Variants in ATAD2B observed in about 807,000 individuals in gnomAD.
ATAD2B encodes the protein ATPase family AAA domain containing 2B, also known as ATPase family AAA domain-containing protein 2B.
In ATAD2B, 40 loss-of-function variants were observed where a neutral mutation model predicts 167.6. The ratio of observed to expected loss-of-function variants is 0.24; its 90% CI spans 0.19 to 0.31. ATAD2B has a LOEUF of 0.31. Among genes scored for constraint, ATAD2B ranks in the 10% least tolerant of loss-of-function variants. ATAD2B has a pLI of 1.00. For synonymous variants in ATAD2B, 579 were observed against 596.5 expected (o/e 0.97, Z 0.43); for missense variants, 1,242 against 1,757.2 (o/e 0.71, Z 5.24).
chr2:23,775,517 G>C (rs1678971200), intron 22 of ATAD2B, among the ~76,000 whole-genome samples: 1 of 152,004 alleles, frequency 6.6e-6, no homozygotes. Flanking sequence ...CAGCCGGGTA[G>C]GTGAAATTTT....
the ATAD2B span, among the ~76,000 whole-genome samples, chr2:23,727,652 G>A: frequency 2.0e-5 from 3 of 152,072 alleles, no homozygotes; most frequent in African/African-American, 7.2e-5. Flanking sequence ...GACAAAACTT[G>A]GAAGCAACCA....
At chr2:23,832,321 A>C in intron 14 of ATAD2B, 1 of 403,432 alleles carries the variant, frequency 2.5e-6, no homozygotes, top group Middle Eastern at 3.6e-4. Flanking sequence ...CCACAGACCC[A>C]GGCTTGAGAA....
At chr2:23,906,827 A>C (rs1050123891) in intron 1 of ATAD2B, among the ~76,000 whole-genome samples, 5 of 152,164 alleles carry the variant, frequency 3.3e-5, no homozygotes, top group African/African-American at 1.2e-4. Context: ...GCAAATCAAT[A>C]AATGTAATCC....
At chr2:23,765,906 A>T (rs1677344099) in intron 22 of ATAD2B, among the ~76,000 whole-genome samples, 1 of 152,182 alleles carries the variant, frequency 6.6e-6, no homozygotes, top group South Asian at 2.1e-4. Context: ...ATGGTTTCAA[A>T]TTTCTGAAAA....
chr2:23,806,168 G>A (rs1022234792), intron 18 of ATAD2B: 12 of 152,020 alleles, frequency 7.9e-5, no homozygotes, highest in African/African-American at 2.9e-4. Flanking sequence ...TAAATATACT[G>A]ACCTTGTGAA....
intron 14 of ATAD2B, among the ~76,000 whole-genome samples, chr2:23,829,668 T>C (rs984290760): frequency 6.6e-6 from 1 of 152,126 alleles, no homozygotes; most frequent in African/African-American, 2.4e-5. Context: ...GGTGGGAGGA[T>C]CACTTGAGCC....
intron 18 of ATAD2B, among the ~76,000 whole-genome samples, chr2:23,807,465 C>T (rs527266474): frequency 1.6e-4 from 25 of 152,242 alleles, no homozygotes; most frequent in Middle Eastern, 6.8e-3. Flanking sequence ...TGGTTTACAA[C>T]ATAAGCTCCT....
chr2:23,881,535 G>A, intron 6 of ATAD2B, among the ~76,000 whole-genome samples: 1 of 150,626 alleles, frequency 6.6e-6, no homozygotes, highest in East Asian at 2.0e-4. Flanking sequence ...CTCATTTTTT[G>A]TATTTTTAGT....
At chr2:23,717,809 T>C in the ATAD2B span, among the ~76,000 whole-genome samples, 1 of 151,866 alleles carries the variant, frequency 6.6e-6, no homozygotes, top group East Asian at 1.9e-4. Flanking sequence ...CATGTGACAA[T>C]AATATAGGAA....
At chr2:23,701,715 TCAAA>T in the ATAD2B span, among the ~76,000 whole-genome samples, 1 of 148,554 alleles carries the variant, frequency 6.7e-6, no homozygotes, top group Non-Finnish European at 1.5e-5. Context: ...AGACCCTGCC[TCAAA>T]CAAACAAACC....
chr2:23,914,903 A>G (rs1467560619), intron 1 of ATAD2B, among the ~76,000 whole-genome samples: 1 of 152,084 alleles, frequency 6.6e-6, no homozygotes, highest in African/African-American at 2.4e-5. Context: ...AGAGCAGCAC[A>G]TATAGAAGTA....
At chr2:23,883,386 CAAAT>C (rs1698240935) in intron 6 of ATAD2B, among the ~76,000 whole-genome samples, 1 of 149,184 alleles carries the variant, frequency 6.7e-6, no homozygotes, top group African/African-American at 2.5e-5. Context: ...GAAAAATCAA[CAAAT>C]ACAGTATTTA....
chr2:23,704,494 C>T, the ATAD2B span, among the ~76,000 whole-genome samples: 5 of 152,234 alleles, frequency 3.3e-5, no homozygotes, highest in Non-Finnish European at 7.3e-5. Flanking sequence ...AGGCCAGGTG[C>T]AGTGGCTCAC....
chr2:23,854,593 G>A (rs1486597483), intron 13 of ATAD2B, among the ~76,000 whole-genome samples: 3 of 150,822 alleles, frequency 2.0e-5, no homozygotes, highest in African/African-American at 7.3e-5. Context: ...CAGGAGAATC[G>A]CTTGAACCTG....
the ATAD2B span, among the ~76,000 whole-genome samples, chr2:23,685,820 C>G: frequency 6.6e-6 from 1 of 152,216 alleles, no homozygotes; most frequent in African/African-American, 2.4e-5. Flanking sequence ...CCACTCTTGA[C>G]AAATCCTGGA....
At chr2:23,784,231 T>A (rs1343273883) in intron 21 of ATAD2B, among the ~76,000 whole-genome samples, 4 of 152,116 alleles carry the variant, frequency 2.6e-5, no homozygotes, top group Non-Finnish European at 5.9e-5. Flanking sequence ...TACCACTCTA[T>A]GCTTAATTTT....
the ATAD2B span, among the ~76,000 whole-genome samples, chr2:23,722,167 TCAG>T: frequency 6.6e-6 from 1 of 152,058 alleles, no homozygotes; most frequent in Admixed American, 6.6e-5. Flanking sequence ...TCCATAGAAA[TCAG>T]CATAAGGACA....
chr2:23,847,755 T>C (rs1691899847), intron 13 of ATAD2B, among the ~76,000 whole-genome samples: 1 of 150,286 alleles, frequency 6.7e-6, no homozygotes, highest in East Asian at 2.0e-4. Context: ...GGGAGACCGA[T>C]GTGGGCGGAT....
the ATAD2B span, among the ~76,000 whole-genome samples, chr2:23,724,257 T>C: frequency 2.6e-5 from 4 of 152,092 alleles, no homozygotes; most frequent in African/African-American, 9.7e-5. Flanking sequence ...TTCAAATAGC[T>C]AGAAGAATAA....
Sources: gnomAD v4.1 joint callset for allele counts (sites outside exome capture counted in the v4.1 genomes callset) on GRCh38, gnomAD v4.1.1 for gene constraint, MANE v1.5 for transcripts, NCBI Gene and HGNC (gene_info 2026-07-23, HGNC 2026-07-21) for gene names.